The following KCNH7 variants were observed in gnomAD, a reference collection of about 807,000 sequenced individuals.
KCNH7 encodes the protein potassium voltage-gated channel subfamily H member 7.
In KCNH7, 49 loss-of-function variants were observed where a neutral mutation model predicts 120.8. That is an observed-to-expected ratio of 0.41 (90% CI 0.32 to 0.51). The LOEUF (loss-of-function observed/expected upper bound fraction) is 0.51. Ranked by LOEUF, KCNH7 falls within the 20% of genes least tolerant of loss-of-function variation. The pLI, the probability that KCNH7 is intolerant of heterozygous loss-of-function variation, is 0.38. For missense variants in KCNH7, 1,097 were observed against 1,446.6 expected, an observed-to-expected ratio of 0.76 and a Z score of 3.92; for synonymous variants, 547 against 516.1, an observed-to-expected ratio of 1.06 and a Z score of -0.81.
chr2:162,586,019 C>T (rs956000611), intron 2 of KCNH7, among the ~76,000 whole-genome samples: 1 of 152,016 alleles, frequency 6.6e-6, no homozygotes, highest in Non-Finnish European at 1.5e-5. Context: ...TTCTGATTTT[C>T]TTCCCATATA....
intron 2 of KCNH7, among the ~76,000 whole-genome samples, chr2:162,764,098 T>TA (rs1276373323): frequency 6.6e-6 from 1 of 152,044 alleles, no homozygotes; most frequent in East Asian, 1.9e-4. Flanking sequence ...CTATTTCACG[T>TA]AAAAATAGGT....
chr2:162,597,506 A>C (rs1204405376), intron 2 of KCNH7, among the ~76,000 whole-genome samples: 1 of 152,090 alleles, frequency 6.6e-6, no homozygotes, highest in Non-Finnish European at 1.5e-5. Context: ...AGAAGTAGAG[A>C]GTAGAATGGT....
chr2:162,371,715 G>T lies in KCNH7; in HGVS notation c.*114C>A. On this transcript the variant is annotated 3_prime_UTR_variant, in exon 16 of 16. Transcript: ENST00000332142. ...ATTTAGGAAAATATACAGTACTTTTGCATATAATGGTACCTTGTGAGCCCC... is the reference window on the plus strand; with the variant it reads ...ATTTAGGAAAATATACAGTACTTTTTCATATAATGGTACCTTGTGAGCCCC... 1 of 1,012,466 alleles carries T rather than the reference G, an allele frequency of 9.9e-7. No homozygotes were observed. The highest frequency in any genetic ancestry group is 1.4e-6 in the Non-Finnish European group (1 of 708,748). The allele number at this position is 1,012,466 out of a possible 1,614,324, so 62.7% of individuals were successfully genotyped here.
At chr2:162,716,594 A>G (rs2105366680) in intron 2 of KCNH7, among the ~76,000 whole-genome samples, 1 of 152,258 alleles carries the variant, frequency 6.6e-6, no homozygotes, top group African/African-American at 2.4e-5. Flanking sequence ...ATGCTACAGT[A>G]AAGTGTTTTA....
intron 2 of KCNH7, among the ~76,000 whole-genome samples, chr2:162,761,368 T>C (rs1688960628): frequency 6.6e-6 from 1 of 152,090 alleles, no homozygotes; most frequent in Non-Finnish European, 1.5e-5. Context: ...AACGTCCCTG[T>C]GTCCTTACAA....
intron 2 of KCNH7, among the ~76,000 whole-genome samples, chr2:162,811,702 G>A (rs1251701100): frequency 1.3e-5 from 2 of 152,064 alleles, no homozygotes; most frequent in Non-Finnish European, 2.9e-5. Flanking sequence ...AGAGGATTAG[G>A]GGTCATCTTG....
chr2:162,529,392 C>T (rs1049966279), intron 3 of KCNH7, among the ~76,000 whole-genome samples: 4 of 151,740 alleles, frequency 2.6e-5, no homozygotes, highest in African/African-American at 4.8e-5. Context: ...GAAGGGAATC[C>T]AATTTAAGTA....
intron 2 of KCNH7, among the ~76,000 whole-genome samples, chr2:162,625,997 A>T (rs969008350): frequency 6.6e-6 from 1 of 152,162 alleles, no homozygotes; most frequent in Non-Finnish European, 1.5e-5. Context: ...CCACAGAGCT[A>T]GGACTTAGGG....
chr2:162,739,373 G>A lies in KCNH7; in HGVS notation c.307+97164C>T, dbSNP rs142065505. Among the ~76,000 whole-genome samples the A allele has an allele frequency of 6.0e-4, 91 of 152,178 alleles. 1 individual carries two copies. Among genetic ancestry groups the A allele is most frequent in the African/African-American group, 2.2e-3 (90 of 41,542 alleles). ...CTCATTTCTGATTGTTGTCGCCATG[G>A]ATTCTTAGATACCTCATCTGACACA... On this transcript the variant is annotated intron_variant, in intron 2 of 15. Coordinates refer to ENST00000332142, the MANE Select transcript of KCNH7 (RefSeq NM_033272.4).
chr2:162,696,528 C>G (rs777374523), intron 2 of KCNH7, among the ~76,000 whole-genome samples: 2 of 152,038 alleles, frequency 1.3e-5, no homozygotes, highest in Non-Finnish European at 2.9e-5. Flanking sequence ...TTTATTTTTA[C>G]AGATGTAGTT....
intron 2 of KCNH7, among the ~76,000 whole-genome samples, chr2:162,550,886 GATAATA>G (rs34251777): frequency 0.03 from 4,457 of 147,862 alleles, 226 homozygotes; most frequent in African/African-American, 0.099. Context: ...AACTAGGCTA[GATAATA>G]ATAATAATAA....
intron 2 of KCNH7, among the ~76,000 whole-genome samples, chr2:162,621,435 T>C (rs992513744): frequency 2.0e-5 from 3 of 151,938 alleles, no homozygotes; most frequent in Admixed American, 2.0e-4. Flanking sequence ...TGTTCCAACA[T>C]GGGGAAGAGA....
intron 6 of KCNH7, among the ~76,000 whole-genome samples, chr2:162,477,984 T>C (rs1437987689): frequency 1.3e-5 from 2 of 152,092 alleles, no homozygotes; most frequent in African/African-American, 4.8e-5. Flanking sequence ...CACAAATAAG[T>C]ACACAAATAA....
chr2:162,493,998 A>G (rs1372843011), intron 6 of KCNH7, among the ~76,000 whole-genome samples: 1 of 152,190 alleles, frequency 6.6e-6, no homozygotes, highest in Admixed American at 6.5e-5. Context: ...TAAAAGCACG[A>G]CAAGGTTTTC....
At chr2:162,545,336 T>C (rs1456912478) in intron 2 of KCNH7, among the ~76,000 whole-genome samples, 1 of 152,226 alleles carries the variant, frequency 6.6e-6, no homozygotes, top group Non-Finnish European at 1.5e-5. Flanking sequence ...TAGAGAAGTC[T>C]GCGATAACAT....
rs534023286 is a variant in KCNH7, at chr2:162,784,159, A to G, written c.307+52378T>C. Among the ~76,000 whole-genome samples, 3 of 152,170 alleles carry G rather than the reference A, an allele frequency of 2.0e-5. No individual in the cohort carries two copies. The South Asian group carries it at 6.2e-4, about 32-fold the overall frequency. On this transcript the variant is annotated intron_variant, in intron 2 of 15. Coordinates refer to ENST00000332142, the MANE Select transcript of KCNH7 (RefSeq NM_033272.4). ...TAGAAGAGCAGTGGAAGTCTTCAGC[A>G]AACTAAAAATGAAAAAAAAATATGC...
intron 2 of KCNH7, among the ~76,000 whole-genome samples, chr2:162,672,481 C>T (rs944329515): frequency 6.6e-6 from 1 of 151,770 alleles, no homozygotes; most frequent in Non-Finnish European, 1.5e-5. Flanking sequence ...ATAGTTAAAA[C>T]CGTGTAGGAT....
rs572869537 is a variant in KCNH7 at position 162,649,684 on chromosome 2, G to A, written c.308-112604C>T. On this transcript the variant is annotated intron_variant, in intron 2 of 15. Transcript: ENST00000332142. ...TGTGATCTGTTGCCATTGTATACTG[G>A]TACCAGAGAGAGAGAGAGGGAGAGA... Among the ~76,000 whole-genome samples, 10 of 148,814 alleles carry A rather than the reference G, an allele frequency of 6.7e-5. No individual in the cohort carries two copies. In the East Asian group the frequency reaches 1.7e-3, roughly 25 times the overall value.
chr2:162,792,305 T>A (rs1031522470), intron 2 of KCNH7, among the ~76,000 whole-genome samples: 2 of 152,044 alleles, frequency 1.3e-5, no homozygotes, highest in Non-Finnish European at 2.9e-5. Context: ...ATAGAATGAG[T>A]TAGGGAGGAG....
Sources: allele counts gnomAD v4.1 joint callset (sites outside exome capture counted in the v4.1 genomes callset), GRCh38; gene constraint gnomAD v4.1.1; transcripts MANE v1.5; gene names NCBI Gene and HGNC (gene_info 2026-07-23, HGNC 2026-07-21).